The following ABLIM2 variants were observed in gnomAD, a reference collection of about 807,000 sequenced individuals.
The protein encoded by ABLIM2 is actin binding LIM protein family member 2.
In ABLIM2, 53 loss-of-function variants were observed where a neutral mutation model predicts 97.7. The ratio of observed to expected loss-of-function variants is 0.54; its 90% CI spans 0.44 to 0.68. The LOEUF (loss-of-function observed/expected upper bound fraction) is 0.68. Ranked by LOEUF, ABLIM2 falls within the 30% of genes least tolerant of loss-of-function variation. The pLI is 0.00. For missense variants in ABLIM2, 835 were observed against 867.2 expected, an observed-to-expected ratio of 0.96 and a Z score of 0.47; for synonymous variants, 361 against 345.8, an observed-to-expected ratio of 1.04 and a Z score of -0.49.
intron 2 of ABLIM2, among the ~76,000 whole-genome samples, chr4:8,099,501 G>C (rs1011058407): frequency 2.0e-5 from 3 of 152,170 alleles, no homozygotes; most frequent in Non-Finnish European, 4.4e-5. Flanking sequence ...GAGGTTGCTG[G>C]TCAGATTCTA....
intron 7 of ABLIM2, among the ~76,000 whole-genome samples, chr4:8,060,685 G>T (rs1457127270): frequency 6.6e-6 from 1 of 152,192 alleles, no homozygotes; most frequent in African/African-American, 2.4e-5. Context: ...TTGCTACTTG[G>T]AGCCAAATAG....
chr4:8,025,420 G>A (rs1383026862), intron 12 of ABLIM2, among the ~76,000 whole-genome samples: 1 of 152,104 alleles, frequency 6.6e-6, no homozygotes, highest in African/African-American at 2.4e-5. Context: ...GTGGTGGGGG[G>A]TGGTGGGTAG....
At chr4:8,143,314 C>A (rs1314966614) in intron 1 of ABLIM2, among the ~76,000 whole-genome samples, 2 of 152,020 alleles carry the variant, frequency 1.3e-5, no homozygotes, top group African/African-American at 4.8e-5. Flanking sequence ...CCCAGGCCCC[C>A]AAGGCTGGGT....
intron 18 of ABLIM2, among the ~76,000 whole-genome samples, chr4:7,984,358 A>C (rs908743173): frequency 1.3e-5 from 2 of 152,210 alleles, no homozygotes; most frequent in African/African-American, 4.8e-5. Context: ...ACAGAGGCTG[A>C]CAGGAGGTGA....
chr4:8,046,743 G>A lies in ABLIM2; in HGVS notation c.823-1502C>T, dbSNP rs1400343655. Among the ~76,000 whole-genome samples, 1 of 152,204 alleles carries A rather than the reference G, an allele frequency of 6.6e-6. No homozygotes were observed. The highest frequency in any genetic ancestry group is 1.5e-5 in the Non-Finnish European group (1 of 68,048). On this transcript the variant is annotated intron_variant, in intron 8 of 20. Coordinates refer to ENST00000447017, the MANE Select transcript of ABLIM2 (RefSeq NM_001130083.2). The surrounding 1 kb of genome is among the most constrained non-coding windows in gnomAD (Gnocchi z 4.4). ...ATCCTAACCCCCAGGACCTCAGAAT[G>A]TGGCTGTATTTGGAGACAGGGTTTT...
intron 10 of ABLIM2, 46 bp from the exon 11 acceptor site, chr4:8,029,822 T>C: frequency 6.5e-7 from 1 of 1,543,104 alleles, no homozygotes. Context: ...CGGGAGCACT[T>C]CCCACCCCTT....
intron 4 of ABLIM2, among the ~76,000 whole-genome samples, chr4:8,081,934 G>A (rs1056283544): frequency 2.0e-5 from 3 of 152,182 alleles, no homozygotes; most frequent in African/African-American, 4.8e-5. Context: ...GCGTCAGTGT[G>A]TGTGACTGGT....
At position 8,088,303 on chromosome 4, in the gene ABLIM2, T is replaced by C. The variant is rs759557210; in HGVS notation, c.339-19A>G. ...GGGCAGCCTGAAACAAGAGAGCTCG[T>C]TACCAGCCAGGCCCACCTTCTGGCT... On this transcript the variant is annotated intron_variant, in intron 3 of 20. Transcript: ENST00000447017. The C allele has an allele frequency of 1.7e-5, 28 of 1,600,660 alleles. No individual in the cohort carries two copies. The highest frequency in any genetic ancestry group is 2.4e-5 in the Non-Finnish European group (28 of 1,171,632).
At chr4:8,055,740 A>G (rs1207988774) in intron 7 of ABLIM2, among the ~76,000 whole-genome samples, 1 of 152,212 alleles carries the variant, frequency 6.6e-6, no homozygotes, top group Non-Finnish European at 1.5e-5. Context: ...AAGCTCTGAG[A>G]GATGGTGATT....
chr4:8,023,671 G>A lies in ABLIM2; in HGVS notation c.1268-3368C>T, dbSNP rs1352193570. Among the ~76,000 whole-genome samples, 2 of 152,244 alleles carry A rather than the reference G, an allele frequency of 1.3e-5. No homozygotes were observed. Among genetic ancestry groups the A allele is most frequent in the African/African-American group, 4.8e-5 (2 of 41,460 alleles). ...GCCCACACTTGTCCACATGTCAGGA[G>A]TGGGAGTTACGACCCCCTCCTGGAG... On this transcript the variant is annotated intron_variant, in intron 12 of 20. Transcript: ENST00000447017. The surrounding 1 kb of genome is among the most constrained non-coding windows in gnomAD (Gnocchi z 5.7).
chr4:8,086,795 A>G (rs1315949407), intron 4 of ABLIM2, among the ~76,000 whole-genome samples: 1 of 152,114 alleles, frequency 6.6e-6, no homozygotes, highest in Non-Finnish European at 1.5e-5. Flanking sequence ...ATTCTCAAAG[A>G]TAGATAAAAG....
intron 1 of ABLIM2, among the ~76,000 whole-genome samples, chr4:8,108,114 C>T (rs1838366515): frequency 6.6e-6 from 1 of 152,122 alleles, no homozygotes. Flanking sequence ...GTGTTGTATT[C>T]AGTTTGTGGT....
At position 8,005,439 on chromosome 4, in the gene ABLIM2, G is replaced by T; in HGVS notation, c.1618+2620C>A. 1 of 533,050 alleles carries T rather than the reference G, an allele frequency of 1.9e-6. No homozygotes were observed. The allele number at this position is 533,050 out of a possible 1,614,324, so 33.0% of individuals were successfully genotyped here. On this transcript the variant is annotated intron_variant, in intron 16 of 20. Transcript: ENST00000447017. This position sits in a 1 kb window ranked among gnomAD's most constrained non-coding sequence, Gnocchi z 4.9. ...TACAGATGGACGTCCCGGGGTGCAG[G>T]TGGCGTGCCTTGCTGTGTGCAAATG...
rs146580164 is a variant in ABLIM2 at position 8,085,699 on chromosome 4, G to A, written c.454+2470C>T. The stretch of plus-strand genomic sequence containing the variant: ...CTCACGTGGGTCTGGGGGTGCCCAC[G>A]CTGCAGCCCCGTCCACTCACGCGGG... On this transcript the variant is annotated intron_variant, in intron 4 of 20. Transcript: ENST00000447017. This position sits in a 1 kb window ranked among gnomAD's most constrained non-coding sequence, Gnocchi z 6.1. Among the ~76,000 whole-genome samples the A allele has an allele frequency of 5.7e-4, 86 of 152,070 alleles. 1 individual carries two copies. The East Asian group carries it at 0.014, about 25-fold the overall frequency.
intron 12 of ABLIM2, among the ~76,000 whole-genome samples, chr4:8,026,729 A>G (rs1369661174): frequency 1.3e-5 from 2 of 152,260 alleles, no homozygotes; most frequent in Non-Finnish European, 2.9e-5. Flanking sequence ...AACAACAGGC[A>G]TATTTCCTCT....
At chr4:8,074,435 G>A (rs1386254372) in intron 6 of ABLIM2, among the ~76,000 whole-genome samples, 3 of 152,170 alleles carry the variant, frequency 2.0e-5, no homozygotes, top group Admixed American at 2.0e-4. Flanking sequence ...CTGGGTGACA[G>A]AGCAAGACCC....
At chr4:8,062,489 G>C (rs1366521324) in intron 6 of ABLIM2, among the ~76,000 whole-genome samples, 9 of 151,674 alleles carry the variant, frequency 5.9e-5, no homozygotes, top group African/African-American at 2.2e-4. Flanking sequence ...TGGCTGGATG[G>C]AGTGCAGTGG....
In ABLIM2 at chr4:7,996,792, C is replaced by T. The variant is rs991919997; in HGVS notation, c.1619-3865G>A. On this transcript the variant is annotated intron_variant, in intron 16 of 20. Transcript: ENST00000447017. The surrounding 1 kb of genome is among the most constrained non-coding windows in gnomAD (Gnocchi z 4.5). ...ATTCATGCGGACAGTTCTGCTCTTTCAGCACGTGAAAGACGTCAGGACACT... is the reference window on the plus strand; with the variant it reads ...ATTCATGCGGACAGTTCTGCTCTTTTAGCACGTGAAAGACGTCAGGACACT... Among the ~76,000 whole-genome samples, 1 of 152,228 alleles carries T rather than the reference C, an allele frequency of 6.6e-6. No homozygotes were observed. Among genetic ancestry groups the T allele is most frequent in the Admixed American group, 6.5e-5 (1 of 15,290 alleles).
intron 3 of ABLIM2, among the ~76,000 whole-genome samples, chr4:8,090,670 C>T (rs1272953586): frequency 6.6e-6 from 1 of 152,164 alleles, no homozygotes; most frequent in African/African-American, 2.4e-5. Flanking sequence ...GCCCCAGACA[C>T]TGTGATTGTC....
Sources: allele counts gnomAD v4.1 joint callset (sites outside exome capture counted in the v4.1 genomes callset), GRCh38; gene constraint gnomAD v4.1.1; non-coding constraint Gnocchi (gnomAD v3.1); transcripts MANE v1.5; gene names NCBI Gene and HGNC (gene_info 2026-07-23, HGNC 2026-07-21).